Variants in ACACA observed in about 807,000 individuals in gnomAD.
ACACA encodes acetyl-CoA carboxylase 1.
Under a neutral mutation model 296.1 loss-of-function variants are expected in ACACA, and 103 were observed. The observed-to-expected ratio is 0.35, with a 90% CI of 0.30 to 0.41. ACACA has a LOEUF of 0.41. ACACA is among the 10% of genes least tolerant of loss of function. The pLI is 1.00. For missense variants in ACACA, 1,554 were observed against 2,989.7 expected, an observed-to-expected ratio of 0.52 and a Z score of 11.20; for synonymous variants, 953 against 1,038.6, an observed-to-expected ratio of 0.92 and a Z score of 1.58.
At chr17:37,392,109 T>G (rs2050908696) in intron 1 of ACACA, 1 of 204,444 alleles carries the variant, frequency 4.9e-6, no homozygotes, top group Non-Finnish European at 1.0e-5. Flanking sequence ...TCTTCACAGC[T>G]GACTTCACAC....
At chr17:37,298,383 A>T (rs2083456123) in intron 3 of ACACA, among the ~76,000 whole-genome samples, 1 of 152,196 alleles carries the variant, frequency 6.6e-6, no homozygotes, top group Non-Finnish European at 1.5e-5. Context: ...AAAAACAAGC[A>T]AACAAAAAAG....
chr17:37,224,934 A>G, intron 27 of ACACA, 58 bp downstream of exon 27: 3 of 719,924 alleles, frequency 4.2e-6, no homozygotes. Flanking sequence ...TTGAGAATAA[A>G]GGAGGTAAGA....
At chr17:37,237,112 GAAA>G (rs2080149033) in intron 24 of ACACA, among the ~76,000 whole-genome samples, 1 of 151,978 alleles carries the variant, frequency 6.6e-6, no homozygotes, top group Admixed American at 6.6e-5. Context: ...TTTTGAACCT[GAAA>G]AAAATGGAAT....
rs566836735 is a variant in ACACA, at chr17:37,248,121, G to A, written c.2199C>T (p.Ile733=). ...TRQSPNSYVV[I]MNGSCVEVDV... is the part of the protein sequence containing the mutation. ...CTACTTCTACACATGAGCCATTCAT[G>A]ATCACCACATAGGAGTTGGGGGACT... The change falls in exon 18 of 56, where the codon ATC becomes ATT. Residue 733 remains isoleucine, a synonymous_variant. Coordinates refer to ENST00000616317, the MANE Select transcript of ACACA (RefSeq NM_198834.3). 6.2e-7 allele frequency: 1 copy of A among 1,614,160 alleles called. No homozygotes were observed. The highest frequency in any genetic ancestry group is 1.1e-5 in the South Asian group (1 of 91,086).
chr17:37,278,970 C>A (rs2082388006), intron 5 of ACACA, among the ~76,000 whole-genome samples: 2 of 152,010 alleles, frequency 1.3e-5, no homozygotes, highest in Non-Finnish European at 2.9e-5. Flanking sequence ...ACCTATCAAC[C>A]CATCACCTAG....
chr17:37,363,179 CTTTTTTTTTT>C (rs902746004), intron 1 of ACACA, among the ~76,000 whole-genome samples: 1 of 72,850 alleles, frequency 1.4e-5, no homozygotes, highest in Non-Finnish European at 2.3e-5. Flanking sequence ...TTCTCTTTTT[CTTTTTTTTTT>C]TTTTTTTTTT....
intron 25 of ACACA, among the ~76,000 whole-genome samples, chr17:37,228,866 A>G (rs761910730): frequency 1.3e-5 from 2 of 152,170 alleles, no homozygotes; most frequent in African/African-American, 4.8e-5. Flanking sequence ...CACTAGGGCC[A>G]GGCGCGGTGG....
At chr17:37,284,690 T>C in intron 4 of ACACA, 148 bp downstream of exon 4, 1 of 911,222 alleles carries the variant, frequency 1.1e-6, no homozygotes. Flanking sequence ...AATAGGATGC[T>C]AGGGAGGCAG....
intron 9 of ACACA, 120 bp downstream of exon 9, chr17:37,274,073 C>T: frequency 2.4e-6 from 2 of 828,098 alleles, no homozygotes; most frequent in Non-Finnish European, 4.2e-6. Flanking sequence ...AACTACACCT[C>T]CTGGTCTTAC....
chr17:37,340,601 A>G (rs2048335416), intron 1 of ACACA, among the ~76,000 whole-genome samples: 1 of 152,222 alleles, frequency 6.6e-6, no homozygotes, highest in South Asian at 2.1e-4. Context: ...AAAAGGAAAG[A>G]ACCTATTACA....
chr17:37,222,562 A>G (rs1298523173), intron 28 of ACACA, among the ~76,000 whole-genome samples: 1 of 152,236 alleles, frequency 6.6e-6, no homozygotes, highest in Non-Finnish European at 1.5e-5. Context: ...CAAATTTGCC[A>G]TGCACATAAA....
At chr17:37,291,071 ACT>A (rs1386598401) in intron 3 of ACACA, among the ~76,000 whole-genome samples, 1 of 130,744 alleles carries the variant, frequency 7.6e-6, no homozygotes, top group Non-Finnish European at 1.6e-5. Flanking sequence ...ACAGAGCAAG[ACT>A]CTGTCTCAAA....
At chr17:37,218,473 G>C (rs144576419) in intron 29 of ACACA, among the ~76,000 whole-genome samples, 25 of 152,200 alleles carry the variant, frequency 1.6e-4, no homozygotes, top group Middle Eastern at 3.4e-3. Flanking sequence ...ATTTTAAATA[G>C]CATGTAGCTT....
intron 1 of ACACA, among the ~76,000 whole-genome samples, chr17:37,373,284 G>A (rs2049872770): frequency 6.6e-6 from 1 of 151,852 alleles, no homozygotes; most frequent in Non-Finnish European, 1.5e-5. Flanking sequence ...GTCTTGCTCT[G>A]TCGCTTAGGA....
At chr17:37,319,316 A>T (rs1194695938) in intron 3 of ACACA, among the ~76,000 whole-genome samples, 2 of 152,046 alleles carry the variant, frequency 1.3e-5, no homozygotes, top group African/African-American at 4.8e-5. Flanking sequence ...TAGAAAGTGA[A>T]TTTTTTTGAC....
intron 25 of ACACA, among the ~76,000 whole-genome samples, chr17:37,233,872 T>C (rs2079981386): frequency 6.6e-6 from 1 of 152,188 alleles, no homozygotes. Flanking sequence ...CCCTACCATC[T>C]AGCTATTCTA....
At chr17:37,128,045 A>C (rs1362448939) in intron 47 of ACACA, among the ~76,000 whole-genome samples, 3 of 149,236 alleles carry the variant, frequency 2.0e-5, no homozygotes, top group African/African-American at 2.4e-5. Flanking sequence ...AAAAAAAAAA[A>C]AAAAAAAAAC....
At chr17:37,358,188 G>A (rs2147567634) in intron 1 of ACACA, among the ~76,000 whole-genome samples, 1 of 152,192 alleles carries the variant, frequency 6.6e-6, no homozygotes, top group Middle Eastern at 3.4e-3. Context: ...AGGCCTACAC[G>A]AAGTCCCTGA....
At chr17:37,226,560 T>A in intron 25 of ACACA, 108 bp from the exon 26 acceptor site, 1 of 981,906 alleles carries the variant, frequency 1.0e-6, no homozygotes, top group Non-Finnish European at 1.6e-6. Flanking sequence ...CCAGCTGGAT[T>A]AATAAGAAAA....
Sources: allele counts gnomAD v4.1 joint callset (sites outside exome capture counted in the v4.1 genomes callset), GRCh38; gene constraint gnomAD v4.1.1; transcripts MANE v1.5; gene names NCBI Gene and HGNC (gene_info 2026-07-23, HGNC 2026-07-21).